FAM110B: variants seen among roughly 807,000 people sequenced by gnomAD.
FAM110B encodes the protein family with sequence similarity 110 member B, also known as protein FAM110B.
Under a neutral mutation model 20.4 loss-of-function variants are expected in FAM110B, and 6 were observed. That is an observed-to-expected ratio of 0.29 (90% CI 0.16 to 0.58). The LOEUF (loss-of-function observed/expected upper bound fraction) is 0.58. Ranked by LOEUF, FAM110B falls within the 20% of genes least tolerant of loss-of-function variation. The pLI is 0.90. For missense variants in FAM110B, 434 were observed against 498.2 expected, an observed-to-expected ratio of 0.87 and a Z score of 1.23; for synonymous variants, 226 against 214.1, an observed-to-expected ratio of 1.06 and a Z score of -0.49.
chr8:58,146,244 C>G lies in FAM110B; in HGVS notation c.14C>G (p.Thr5Ser). 6.2e-7 allele frequency: 1 copy of G among 1,605,848 alleles called. No individual in the cohort carries two copies. Among genetic ancestry groups the G allele is most frequent in the Non-Finnish European group, 8.5e-7 (1 of 1,174,638 alleles). The change falls in exon 4 of 4, where the codon ACC (threonine) becomes AGC (serine). Residue 5 changes from threonine (T) to serine (S), a missense_variant. Thr to Ser is a moderately conservative substitution (Grantham distance 58). Around this residue, in one of 3 missense-constraint regions of FAM110B, gnomAD observed 56 missense variants for 82.1 expected, o/e 0.68. Transcript: ENST00000519262. ...AGACCGCCCACCATGCCCACGGAGA[C>G]CCTACAGACAGGTAGCATGGTGAAG... is the stretch of plus-strand genomic sequence containing the variant. MPTE[T>S]LQTGSMVKPV...
chr8:58,147,252 G>T lies in FAM110B; in HGVS notation c.1022G>T (p.Gly341Val), dbSNP rs1279824604. 1 of 1,614,078 alleles carries T rather than the reference G, an allele frequency of 6.2e-7. No homozygotes were observed. Among genetic ancestry groups the T allele is most frequent in the Non-Finnish European group, 8.5e-7 (1 of 1,180,024 alleles). Residue 341 changes from glycine (G) to valine (V), a missense_variant, in exon 4 of 4, where the codon GGC becomes GTC. This residue lies in a region of FAM110B where 94 missense variants were observed against 137.8 expected (regional missense o/e 0.68). Coordinates refer to ENST00000519262, the MANE Select transcript of FAM110B (RefSeq NM_001377989.1). Reference sequence around the variant, plus strand: ...AGTGCCAATGACCGCGTGCCGTATGGCATTTCTGCCATCGAAAGAAATGCT... The same window carrying T: ...AGTGCCAATGACCGCGTGCCGTATGTCATTTCTGCCATCGAAAGAAATGCT... ...DDSANDRVPYGISAIERNARI... is the reference protein window; with the variant it reads ...DDSANDRVPYVISAIERNARI...
At chr8:58,110,598 A>T (rs1374584833) in intron 3 of FAM110B, among the ~76,000 whole-genome samples, 3 of 152,194 alleles carry the variant, frequency 2.0e-5, no homozygotes, top group African/African-American at 7.2e-5. Context: ...CATGATCTTT[A>T]TTGACCGTAA....
intron 1 of FAM110B, among the ~76,000 whole-genome samples, chr8:58,025,142 G>A (rs1804828841): frequency 6.6e-6 from 1 of 152,204 alleles, no homozygotes; most frequent in South Asian, 2.1e-4. Flanking sequence ...TTGTGGTTTA[G>A]TGACGAGATA....
chr8:57,998,964 T>C (rs1237472588), intron 1 of FAM110B, among the ~76,000 whole-genome samples: 1 of 152,214 alleles, frequency 6.6e-6, no homozygotes. Flanking sequence ...AGTGAGATTT[T>C]TACGTTTTTC....
intron 2 of FAM110B, among the ~76,000 whole-genome samples, chr8:58,050,421 CAG>C: frequency 6.6e-6 from 1 of 152,270 alleles, no homozygotes. Context: ...GGTTCTCTGT[CAG>C]GGTCTCCAGC....
At chr8:58,087,494 G>A (rs1806367320) in intron 3 of FAM110B, among the ~76,000 whole-genome samples, 1 of 152,166 alleles carries the variant, frequency 6.6e-6, no homozygotes, top group South Asian at 2.1e-4. Context: ...TCAGAGAAAA[G>A]GGACCTCTCA....
chr8:58,093,267 G>T (rs775292896), intron 3 of FAM110B, among the ~76,000 whole-genome samples: 1 of 152,140 alleles, frequency 6.6e-6, no homozygotes, highest in Admixed American at 6.5e-5. Context: ...GATCCCATTC[G>T]TCAATTTTGG....
chr8:58,073,999 G>T (rs546538509), intron 2 of FAM110B, among the ~76,000 whole-genome samples: 1 of 152,262 alleles, frequency 6.6e-6, no homozygotes, highest in East Asian at 1.9e-4. Context: ...AGGTCCTGCG[G>T]TCAGGAAATC....
intron 3 of FAM110B, among the ~76,000 whole-genome samples, chr8:58,104,649 A>C (rs1387393090): frequency 1.3e-5 from 2 of 152,200 alleles, no homozygotes; most frequent in Non-Finnish European, 2.9e-5. Flanking sequence ...TGTGATAGAC[A>C]TTTTCAAAAA....
intron 2 of FAM110B, among the ~76,000 whole-genome samples, chr8:58,060,087 GAT>G (rs1805624930): frequency 6.6e-6 from 1 of 151,920 alleles, no homozygotes; most frequent in Non-Finnish European, 1.5e-5. Context: ...GTCTTTTATT[GAT>G]ATGTTGGTTC....
At chr8:58,081,285 C>T (rs1287974981) in intron 3 of FAM110B, among the ~76,000 whole-genome samples, 1 of 152,202 alleles carries the variant, frequency 6.6e-6, no homozygotes, top group Non-Finnish European at 1.5e-5. Context: ...CAGCTTACTC[C>T]AACCTCTGCA....
chr8:58,117,421 G>C (rs2150624244), intron 3 of FAM110B, among the ~76,000 whole-genome samples: 1 of 152,284 alleles, frequency 6.6e-6, no homozygotes, highest in Admixed American at 6.5e-5. Context: ...TGCCAAAAGT[G>C]GGGATGGCAA....
At chr8:58,113,708 A>G (rs950439488) in intron 3 of FAM110B, 3 of 152,264 alleles carry the variant, frequency 2.0e-5, no homozygotes, top group Admixed American at 6.5e-5. Context: ...AGGTTTCAAC[A>G]TACAAATTTG....
At chr8:58,111,030 T>C (rs1341299433) in intron 3 of FAM110B, among the ~76,000 whole-genome samples, 1 of 152,240 alleles carries the variant, frequency 6.6e-6, no homozygotes, top group African/African-American at 2.4e-5. Context: ...GATTGAATAT[T>C]GTTTGTTCAT....
intron 3 of FAM110B, among the ~76,000 whole-genome samples, chr8:58,103,375 A>G (rs144159998): frequency 0.068 from 8,976 of 131,832 alleles, 497 homozygotes; most frequent in African/African-American, 0.16. Flanking sequence ...TCCTGTGTCC[A>G]TGTGTTCTCA....
At chr8:58,117,713 G>T (rs1279976649) in intron 3 of FAM110B, among the ~76,000 whole-genome samples, 2 of 152,138 alleles carry the variant, frequency 1.3e-5, no homozygotes, top group African/African-American at 4.8e-5. Context: ...GCCTTAGAGT[G>T]GTTCTGGCAC....
intron 3 of FAM110B, among the ~76,000 whole-genome samples, chr8:58,096,454 G>C (rs1472826941): frequency 6.6e-6 from 1 of 152,062 alleles, no homozygotes; most frequent in Non-Finnish European, 1.5e-5. Flanking sequence ...GGGATTATAG[G>C]TGTGAGCCAC....
intron 3 of FAM110B, among the ~76,000 whole-genome samples, chr8:58,090,163 G>T (rs376985152): frequency 1.1e-4 from 17 of 152,104 alleles, no homozygotes; most frequent in African/African-American, 4.1e-4. Flanking sequence ...CTCTTTTTTG[G>T]GGGGCAGGGG....
chr8:58,008,413 G>C (rs890108875), intron 1 of FAM110B, among the ~76,000 whole-genome samples: 4 of 152,086 alleles, frequency 2.6e-5, no homozygotes, highest in African/African-American at 9.7e-5. Flanking sequence ...GATTACAGGC[G>C]TGAGCCACTG....
Sources: gnomAD v4.1 joint callset for allele counts (sites outside exome capture counted in the v4.1 genomes callset) on GRCh38, gnomAD v4.1.1 for gene constraint, gnomAD v4.1.1 regional missense constraint, MANE v1.5 for transcripts, NCBI Gene and HGNC (gene_info 2026-07-23, HGNC 2026-07-21) for gene names.